RPS6KC1: variants seen among roughly 807,000 people sequenced by gnomAD.
RPS6KC1 encodes the protein inactive ribosomal protein S6 kinase delta-1.
A neutral mutation model predicts 103.8 loss-of-function variants in RPS6KC1; 54 were observed. The observed-to-expected ratio is 0.52, with a 90% CI of 0.42 to 0.65. The LOEUF (loss-of-function observed/expected upper bound fraction) is 0.65. Among genes scored for constraint, RPS6KC1 ranks in the 30% least tolerant of loss-of-function variants. The pLI is 0.00. For missense variants in RPS6KC1, 1,151 were observed against 1,253.8 expected (o/e 0.92, Z 1.24); for synonymous variants, 439 against 438.7 (o/e 1.00, Z -0.01).
intron 3 of RPS6KC1, among the ~76,000 whole-genome samples, chr1:213,101,146 A>G (rs2081986841): frequency 6.6e-6 from 1 of 152,080 alleles, no homozygotes; most frequent in African/African-American, 2.4e-5. Flanking sequence ...GTGGTGTCTC[A>G]TTATGGTTTC....
chr1:213,560,736 A>G, the RPS6KC1 span, among the ~76,000 whole-genome samples: 1 of 152,166 alleles, frequency 6.6e-6, no homozygotes, highest in Admixed American at 6.5e-5. Context: ...TAGAAAACAA[A>G]TGTAACTCCC....
At chr1:213,665,576 C>T in the RPS6KC1 span, among the ~76,000 whole-genome samples, 1 of 152,232 alleles carries the variant, frequency 6.6e-6, no homozygotes, top group East Asian at 1.9e-4. Context: ...CAGAATTACT[C>T]ATATGTTCAA....
the RPS6KC1 span, among the ~76,000 whole-genome samples, chr1:213,633,629 A>G: frequency 6.6e-6 from 1 of 152,000 alleles, no homozygotes; most frequent in East Asian, 1.9e-4. Flanking sequence ...CTAGGAAGAA[A>G]CCACACCAAC....
At chr1:213,170,132 C>G (rs143873400) in intron 7 of RPS6KC1, among the ~76,000 whole-genome samples, 2 of 152,284 alleles carry the variant, frequency 1.3e-5, no homozygotes, top group East Asian at 3.9e-4. Flanking sequence ...TCTATTCATT[C>G]TTATAACATT....
chr1:213,808,918 C>G, the RPS6KC1 span, among the ~76,000 whole-genome samples: 1 of 152,360 alleles, frequency 6.6e-6, no homozygotes, highest in East Asian at 1.9e-4. Context: ...ATTCGGCCAT[C>G]TTGGCTCCTC....
At chr1:213,115,090 C>T (rs1047373199) in intron 4 of RPS6KC1, among the ~76,000 whole-genome samples, 2 of 152,184 alleles carry the variant, frequency 1.3e-5, no homozygotes, top group Non-Finnish European at 2.9e-5. Context: ...GGAGGATTCC[C>T]TCTTTTTCTA....
the RPS6KC1 span, among the ~76,000 whole-genome samples, chr1:213,759,443 T>C: frequency 6.6e-6 from 1 of 152,208 alleles, no homozygotes; most frequent in African/African-American, 2.4e-5. Flanking sequence ...CCTGTAATTC[T>C]TTATATATTT....
the RPS6KC1 span, among the ~76,000 whole-genome samples, chr1:213,657,632 T>A: frequency 6.6e-6 from 1 of 152,126 alleles, no homozygotes; most frequent in Admixed American, 6.6e-5. Context: ...AGAATTCAAT[T>A]CCAGGCAGAA....
In RPS6KC1 at chr1:213,061,686, T is replaced by C. The variant is rs568682844; in HGVS notation, c.106-9320T>C. ...TAAATATCTGAAAATCAGGAATGCA[T>C]GCATTATATTGATGAATGTGCCACT... is the stretch of plus-strand genomic sequence containing the variant. On this transcript the variant is annotated intron_variant, in intron 1 of 14. Coordinates refer to ENST00000366960, the MANE Select transcript of RPS6KC1 (RefSeq NM_012424.6). 1.1e-4 allele frequency among the ~76,000 whole-genome samples: 16 copies of C among 152,096 alleles called. 1 individual carries two copies. The highest frequency in any genetic ancestry group is 3.9e-4 in the African/African-American group (16 of 41,520).
chr1:213,283,222 A>G, the RPS6KC1 span, among the ~76,000 whole-genome samples: 1 of 152,184 alleles, frequency 6.6e-6, no homozygotes, highest in Non-Finnish European at 1.5e-5. Flanking sequence ...GAGGGAAGGA[A>G]CCAAGAAGAA....
chr1:213,618,038 A>T, the RPS6KC1 span, among the ~76,000 whole-genome samples: 3 of 152,164 alleles, frequency 2.0e-5, no homozygotes, highest in African/African-American at 7.2e-5. Context: ...CAATTCATTT[A>T]TGGCATTTCA....
the RPS6KC1 span, among the ~76,000 whole-genome samples, chr1:213,782,255 C>T: frequency 6.6e-6 from 1 of 152,120 alleles, no homozygotes; most frequent in Admixed American, 6.5e-5. Flanking sequence ...TTATTAGCAC[C>T]TCAAAGCAGA....
intron 8 of RPS6KC1, among the ~76,000 whole-genome samples, chr1:213,209,241 T>G (rs1498356): frequency 0.45 from 68,637 of 152,142 alleles, 19,263 homozygotes; most frequent in Non-Finnish European, 0.62. Flanking sequence ...ACTGTCTGAT[T>G]TAAATATCTT....
the RPS6KC1 span, among the ~76,000 whole-genome samples, chr1:213,478,052 G>A: frequency 1.5e-4 from 23 of 152,100 alleles, no homozygotes; most frequent in Non-Finnish European, 2.9e-4. Flanking sequence ...CTCTAACCCC[G>A]ATCTTTTTAC....
the RPS6KC1 span, among the ~76,000 whole-genome samples, chr1:213,503,543 G>A: frequency 1.3e-5 from 2 of 152,266 alleles, no homozygotes; most frequent in East Asian, 1.9e-4. Flanking sequence ...GCCTGTTCTC[G>A]CACTTACGCT....
the RPS6KC1 span, among the ~76,000 whole-genome samples, chr1:213,691,159 C>T: frequency 1.3e-5 from 2 of 152,204 alleles, no homozygotes; most frequent in African/African-American, 4.8e-5. Context: ...GCCTCCCTGG[C>T]TCAGGGCCAC....
At chr1:213,787,513 G>T in the RPS6KC1 span, among the ~76,000 whole-genome samples, 1 of 152,110 alleles carries the variant, frequency 6.6e-6, no homozygotes, top group African/African-American at 2.4e-5. Context: ...TGAAAATGGG[G>T]TTCATAAGAA....
intron 6 of RPS6KC1, among the ~76,000 whole-genome samples, chr1:213,152,147 C>T (rs2089162346): frequency 7.3e-6 from 1 of 136,866 alleles, no homozygotes; most frequent in Non-Finnish European, 1.6e-5. Context: ...AGGCGCCCCT[C>T]ACCTCCTGGA....
chr1:213,280,326 G>C, the RPS6KC1 span, among the ~76,000 whole-genome samples: 1 of 152,148 alleles, frequency 6.6e-6, no homozygotes, highest in Admixed American at 6.5e-5. Context: ...GACAGCTTCT[G>C]TTACCCATTT....
Sources: gnomAD v4.1 joint callset for allele counts (sites outside exome capture counted in the v4.1 genomes callset) on GRCh38, gnomAD v4.1.1 for gene constraint, MANE v1.5 for transcripts, NCBI Gene and HGNC (gene_info 2026-07-23, HGNC 2026-07-21) for gene names.